The following EPHA3 variants were observed in gnomAD, a reference collection of about 807,000 sequenced individuals.
The protein encoded by EPHA3 is EPH receptor A3.
Under a neutral mutation model 107.1 loss-of-function variants are expected in EPHA3, and 42 were observed. The observed-to-expected ratio is 0.39, with a 90% CI of 0.31 to 0.51. The LOEUF is 0.51. Ranked by LOEUF, EPHA3 falls within the 20% of genes least tolerant of loss-of-function variation. The probability of loss-of-function intolerance (pLI) is 0.78; values close to 1 mark genes in which losing one functional copy is unlikely to be tolerated. For synonymous variants in EPHA3, 461 were observed against 424.8 expected (o/e 1.09, Z -1.05); for missense variants, 1,183 against 1,211.2 (o/e 0.98, Z 0.35).
At chr3:89,346,428 G>A (rs1418042174) in intron 5 of EPHA3, among the ~76,000 whole-genome samples, 2 of 146,676 alleles carry the variant, frequency 1.4e-5, no homozygotes, top group African/African-American at 5.0e-5. Flanking sequence ...TTTGAGAAGT[G>A]TCTGTTCATG....
intron 2 of EPHA3, among the ~76,000 whole-genome samples, chr3:89,173,212 T>C (rs1457400501): frequency 6.6e-6 from 1 of 152,138 alleles, no homozygotes; most frequent in Non-Finnish European, 1.5e-5. Context: ...ATTTAATGAC[T>C]ATTGAATCTA....
chr3:89,158,678 G>T (rs568252898), intron 2 of EPHA3, among the ~76,000 whole-genome samples: 1 of 151,928 alleles, frequency 6.6e-6, no homozygotes. Context: ...TGTATATCCC[G>T]TTGCTTCTCA....
At chr3:89,466,418 C>T (rs1303345464) in intron 15 of EPHA3, among the ~76,000 whole-genome samples, 1 of 115,814 alleles carries the variant, frequency 8.6e-6, no homozygotes. Context: ...TGGCGGGCGC[C>T]CCTCCCCCAG....
intron 3 of EPHA3, among the ~76,000 whole-genome samples, chr3:89,262,658 C>T (rs553164494): frequency 2.0e-5 from 3 of 152,238 alleles, no homozygotes; most frequent in Admixed American, 6.5e-5. Context: ...GACAGGGGTG[C>T]CTTGTTTACT....
intron 3 of EPHA3, among the ~76,000 whole-genome samples, chr3:89,297,641 T>G (rs1225357917): frequency 6.6e-6 from 1 of 152,128 alleles, no homozygotes; most frequent in East Asian, 1.9e-4. Flanking sequence ...CAGATGCTGT[T>G]GGAAAAAGTG....
At chr3:89,397,687 G>A (rs1284167786) in intron 6 of EPHA3, among the ~76,000 whole-genome samples, 2 of 150,942 alleles carry the variant, frequency 1.3e-5, no homozygotes, top group African/African-American at 2.4e-5. Flanking sequence ...AGGTTCAAGC[G>A]ATTCTCCTGC....
Position 89,395,972 on chromosome 3 carries a change from A to T in EPHA3, c.1431+11A>T. The T allele has an allele frequency of 6.2e-7, 1 of 1,613,558 alleles. No individual in the cohort carries two copies. Among genetic ancestry groups the T allele is most frequent in the East Asian group, 2.2e-5 (1 of 44,872 alleles). ...AAATACTATGAAAAGGTGGGGAAACAATGTTTAAGGGTTGGGCTGTGTAGG... is the reference window on the plus strand; with the variant it reads ...AAATACTATGAAAAGGTGGGGAAACTATGTTTAAGGGTTGGGCTGTGTAGG... On this transcript the variant is annotated intron_variant, in intron 6 of 16. Coordinates refer to ENST00000336596, the MANE Select transcript of EPHA3 (RefSeq NM_005233.6).
chr3:89,145,280 G>GACAC lies in EPHA3; in HGVS notation c.153+18021_153+18024dup, dbSNP rs10670597. Among the ~76,000 whole-genome samples, 270 of 150,026 alleles carry GACAC rather than the reference G, an allele frequency of 1.8e-3. 1 individual carries two copies. Among genetic ancestry groups the GACAC allele is most frequent in the Middle Eastern group, 0.01 (3 of 294 alleles). ...TGTGTATTACATATATTCACAAACAGACACACACACACACACATAATAGTG... is the reference window on the plus strand; with the variant it reads ...TGTGTATTACATATATTCACAAACAGACACACACACACACACACACATAATAGTG... On this transcript the variant is annotated intron_variant, in intron 2 of 16. Coordinates refer to ENST00000336596, the MANE Select transcript of EPHA3 (RefSeq NM_005233.6).
chr3:89,161,779 C>G (rs942711194), intron 2 of EPHA3, among the ~76,000 whole-genome samples: 2 of 151,878 alleles, frequency 1.3e-5, no homozygotes, highest in African/African-American at 4.8e-5. Flanking sequence ...GAGTTCAATA[C>G]CAGCCTGGGC....
At chr3:89,449,532 A>G (rs372983361) in intron 14 of EPHA3, among the ~76,000 whole-genome samples, 158 bp downstream of exon 14, 1 of 152,198 alleles carries the variant, frequency 6.6e-6, no homozygotes, top group East Asian at 1.9e-4. Flanking sequence ...AGGATATTAT[A>G]TTAATTGAAT....
chr3:89,307,367 G>T (rs1419062874), intron 3 of EPHA3, among the ~76,000 whole-genome samples: 2 of 152,066 alleles, frequency 1.3e-5, no homozygotes, highest in Non-Finnish European at 2.9e-5. Flanking sequence ...CAAAACCCAT[G>T]AAATAAATTA....
chr3:89,128,386 T>G (rs2106977978), intron 2 of EPHA3, among the ~76,000 whole-genome samples: 1 of 152,244 alleles, frequency 6.6e-6, no homozygotes, highest in African/African-American at 2.4e-5. Flanking sequence ...CAGGATTTGG[T>G]TTTCCCAGAG....
intron 3 of EPHA3, among the ~76,000 whole-genome samples, chr3:89,226,827 C>T (rs1704513352): frequency 2.0e-5 from 3 of 152,036 alleles, no homozygotes; most frequent in Admixed American, 6.6e-5. Flanking sequence ...AGCTACTTTG[C>T]AAATGTCATG....
rs1707503077 is a variant in EPHA3, at chr3:89,340,901, TC to T, written c.815-14del. 1 of 1,586,020 alleles carries T rather than the reference TC, an allele frequency of 6.3e-7. No individual in the cohort carries two copies. The highest frequency in any genetic ancestry group is 1.4e-5 in the African/African-American group (1 of 73,310). ...ATTATCACAGACTTTTAAAAGAGAGTCATTTTGTTTGTAGCTTGTCGACCAG... is the reference window on the plus strand; with the variant it reads ...ATTATCACAGACTTTTAAAAGAGAGTATTTTGTTTGTAGCTTGTCGACCAG... On this transcript the variant is annotated splice_polypyrimidine_tract_variant and intron_variant, in intron 3 of 16. Coordinates refer to ENST00000336596, the MANE Select transcript of EPHA3 (RefSeq NM_005233.6).
chr3:89,396,761 G>T (rs1708858354), intron 6 of EPHA3, among the ~76,000 whole-genome samples: 1 of 152,100 alleles, frequency 6.6e-6, no homozygotes, highest in South Asian at 2.1e-4. Context: ...AGTTTATAAA[G>T]TGTGTTAAAA....
At chr3:89,353,899 G>T (rs1057420884) in intron 5 of EPHA3, among the ~76,000 whole-genome samples, 1 of 151,114 alleles carries the variant, frequency 6.6e-6, no homozygotes. Flanking sequence ...TTTTATATAC[G>T]ACTCTAATTA....
chr3:89,342,984 G>A (rs746348666), intron 5 of EPHA3, among the ~76,000 whole-genome samples: 1 of 152,086 alleles, frequency 6.6e-6, no homozygotes, highest in Non-Finnish European at 1.5e-5. Context: ...TCTCTCCCAG[G>A]TGGGGTCACC....
intron 5 of EPHA3, among the ~76,000 whole-genome samples, chr3:89,391,311 G>A (rs1708726323): frequency 6.6e-6 from 1 of 151,830 alleles, no homozygotes; most frequent in African/African-American, 2.4e-5. Flanking sequence ...CATGGAGAAT[G>A]GTCAGCTGTG....
intron 2 of EPHA3, among the ~76,000 whole-genome samples, chr3:89,127,959 G>A (rs1203459216): frequency 6.6e-6 from 1 of 151,620 alleles, no homozygotes; most frequent in East Asian, 1.9e-4. Flanking sequence ...AAAAATGAGG[G>A]GAGTGTTATT....
Sources: allele counts gnomAD v4.1 joint callset (sites outside exome capture counted in the v4.1 genomes callset), GRCh38; gene constraint gnomAD v4.1.1; transcripts MANE v1.5; gene names NCBI Gene and HGNC (gene_info 2026-07-23, HGNC 2026-07-21).